The following FOXP2 variants were observed in gnomAD, a reference collection of about 807,000 sequenced individuals.
FOXP2 encodes forkhead box protein P2.
In FOXP2, 12 loss-of-function variants were observed where a neutral mutation model predicts 115.8. The ratio of observed to expected loss-of-function variants is 0.10; its 90% confidence interval spans 0.07 to 0.17. The LOEUF (loss-of-function observed/expected upper bound fraction) is 0.17, where lower values mean the gene tolerates loss of function less well. Ranked by LOEUF, FOXP2 falls within the 10% of genes least tolerant of loss-of-function variation. The pLI is 1.00. For synonymous variants in FOXP2, 328 were observed against 297.7 expected (o/e 1.10, Z -1.05); for missense variants, 629 against 843.5 (o/e 0.75, Z 3.15).
intron 1 of FOXP2, among the ~76,000 whole-genome samples, chr7:114,212,822 G>T (rs1794395318): frequency 6.6e-6 from 1 of 152,128 alleles, no homozygotes; most frequent in Non-Finnish European, 1.5e-5. Flanking sequence ...AATATTGCCG[G>T]GAGACTGGAA....
At chr7:114,477,606 G>C (rs1289331468) in intron 2 of FOXP2, among the ~76,000 whole-genome samples, 1 of 151,794 alleles carries the variant, frequency 6.6e-6, no homozygotes, top group Non-Finnish European at 1.5e-5. Context: ...ATATTCCCAT[G>C]TAACAAACCT....
At chr7:114,385,107 G>A (rs1383924235) in intron 2 of FOXP2, among the ~76,000 whole-genome samples, 1 of 151,776 alleles carries the variant, frequency 6.6e-6, no homozygotes. Flanking sequence ...GCCCTGGCAA[G>A]GGTGGTGGGG....
At chr7:114,629,443 C>T (rs1379302432) in intron 4 of FOXP2, 3 of 684,494 alleles carry the variant, frequency 4.4e-6, no homozygotes. Flanking sequence ...ATTGAGCAAC[C>T]TGATTTTATG....
At chr7:114,582,940 T>C (rs1017843803) in intron 3 of FOXP2, among the ~76,000 whole-genome samples, 5 of 152,176 alleles carry the variant, frequency 3.3e-5, no homozygotes, top group African/African-American at 1.2e-4. Flanking sequence ...TATGCCAAGA[T>C]AACATCTTTA....
chr7:114,229,048 T>C (rs1584561088), intron 1 of FOXP2, among the ~76,000 whole-genome samples: 1 of 151,534 alleles, frequency 6.6e-6, no homozygotes, highest in East Asian at 1.9e-4. Context: ...AGTGAAAGGG[T>C]AGGAAATGAT....
At chr7:114,464,339 T>C (rs1795714763) in intron 2 of FOXP2, among the ~76,000 whole-genome samples, 1 of 152,132 alleles carries the variant, frequency 6.6e-6, no homozygotes, top group Non-Finnish European at 1.5e-5. Context: ...ACTTATGACC[T>C]TTAAAAAAGG....
chr7:114,342,582 A>AGCTGT (rs1008023277), intron 2 of FOXP2, among the ~76,000 whole-genome samples: 1 of 151,426 alleles, frequency 6.6e-6, no homozygotes, highest in African/African-American at 2.4e-5. Context: ...GGCTTTGAAT[A>AGCTGT]GCTGTTGTCA....
intron 2 of FOXP2, among the ~76,000 whole-genome samples, chr7:114,340,677 CT>C (rs1281245919): frequency 6.6e-6 from 1 of 151,050 alleles, no homozygotes; most frequent in Admixed American, 6.6e-5. Context: ...GTCGATAATA[CT>C]TTTTGAAGTT....
chr7:114,183,016 A>G (rs531424859), intron 1 of FOXP2, among the ~76,000 whole-genome samples: 1 of 152,262 alleles, frequency 6.6e-6, no homozygotes, highest in Non-Finnish European at 1.5e-5. Context: ...CAAAGAGCAC[A>G]TTCCACAGAT....
chr7:114,203,724 C>T (rs1322054699), intron 1 of FOXP2, among the ~76,000 whole-genome samples: 1 of 152,172 alleles, frequency 6.6e-6, no homozygotes, highest in Non-Finnish European at 1.5e-5. Flanking sequence ...TTTCTCCTTT[C>T]TACTGTTCTC....
chr7:114,560,376 C>T (rs1276428552), intron 3 of FOXP2, among the ~76,000 whole-genome samples: 2 of 152,054 alleles, frequency 1.3e-5, no homozygotes, highest in Non-Finnish European at 2.9e-5. Flanking sequence ...GATGCAGAGG[C>T]GGGTGGATCC....
At chr7:114,317,023 A>T (rs2129180957) in intron 2 of FOXP2, among the ~76,000 whole-genome samples, 1 of 152,296 alleles carries the variant, frequency 6.6e-6, no homozygotes, top group East Asian at 1.9e-4. Context: ...AAGGACTTGC[A>T]GTGTCTGCTG....
Position 114,652,221 on chromosome 7 carries a change from C to T in FOXP2, c.1113C>T (p.His371=), listed in dbSNP as rs758821967. 16 of 1,612,804 alleles carry T rather than the reference C, an allele frequency of 9.9e-6. No individual in the cohort carries two copies. Among genetic ancestry groups the T allele is most frequent in the African/African-American group, 1.3e-5 (1 of 74,818 alleles). Residue 371 remains histidine, a synonymous_variant, in exon 9 of 17, where the codon CAC becomes CAT. Transcript: ENST00000350908. ...TGTTTAGGCACCTTAACAATGAACA[C>T]GCATTGGATGACCGAAGCACTGCTC... ...GQFLKHLNNE[H]ALDDRSTAQC... is the part of the protein sequence containing the mutation.
chr7:114,275,487 A>G (rs1483306734), intron 1 of FOXP2, among the ~76,000 whole-genome samples: 1 of 152,128 alleles, frequency 6.6e-6, no homozygotes, highest in Non-Finnish European at 1.5e-5. Context: ...TTTCTGTTAC[A>G]GCAGTTTTTT....
rs765732640 is a variant in FOXP2 at position 114,642,398 on chromosome 7, T to C, written c.776-12T>C. 1.2e-6 allele frequency: 2 copies of C among 1,611,676 alleles called. No homozygotes were observed. Among genetic ancestry groups the C allele is most frequent in the Middle Eastern group, 1.7e-4 (1 of 6,048 alleles). On this transcript the variant is annotated splice_polypyrimidine_tract_variant and intron_variant, in intron 6 of 16. Transcript: ENST00000350908. The stretch of plus-strand genomic sequence containing the variant: ...CCTTGTTATGCTAGTGAAGCTTTCT[T>C]TCATTTTATAGCTGGCTTAAGTCCT...
intron 16 of FOXP2, chr7:114,666,930 G>A (rs1563069409): frequency 6.6e-6 from 1 of 152,132 alleles, no homozygotes; most frequent in Non-Finnish European, 1.5e-5. Flanking sequence ...CTCTCATAGT[G>A]CTGTGTAAAT....
At chr7:114,599,026 A>G (rs1802875933) in intron 3 of FOXP2, among the ~76,000 whole-genome samples, 1 of 152,156 alleles carries the variant, frequency 6.6e-6, no homozygotes. Context: ...TTATTCATGA[A>G]TAAAGATACT....
At chr7:114,203,930 A>G (rs918742684) in intron 1 of FOXP2, among the ~76,000 whole-genome samples, 3 of 152,192 alleles carry the variant, frequency 2.0e-5, no homozygotes, top group Admixed American at 6.5e-5. Context: ...TATTTAATAT[A>G]CTTCTTACTG....
intron 3 of FOXP2, among the ~76,000 whole-genome samples, chr7:114,537,278 G>C (rs944757336): frequency 2.6e-5 from 4 of 151,490 alleles, no homozygotes; most frequent in Middle Eastern, 3.2e-3. Flanking sequence ...AATTGAAAAT[G>C]TTTCAAAATC....
Sources: gnomAD v4.1 joint callset for allele counts (sites outside exome capture counted in the v4.1 genomes callset) on GRCh38, gnomAD v4.1.1 for gene constraint, MANE v1.5 for transcripts, NCBI Gene and HGNC (gene_info 2026-07-23, HGNC 2026-07-21) for gene names.